The following RYR1 variants were observed in gnomAD, a reference collection of about 807,000 sequenced individuals.
RYR1 encodes central core disease of muscle.
A neutral mutation model predicts 583.5 loss-of-function variants in RYR1; 342 were observed. That is an observed-to-expected ratio of 0.59 (90% CI 0.54 to 0.64). The LOEUF (loss-of-function observed/expected upper bound fraction) is 0.64. Among genes scored for constraint, RYR1 ranks in the 30% least tolerant of loss-of-function variants. The pLI, the probability that RYR1 is intolerant of heterozygous loss-of-function variation, is 0.00. For missense variants in RYR1, 6,032 were observed against 6,917.2 expected (o/e 0.87, Z 4.54); for synonymous variants, 2,791 against 2,822.5 (o/e 0.99, Z 0.35).
intron 42 of RYR1, among the ~76,000 whole-genome samples, chr19:38,498,219 C>T (rs1025066514): frequency 2.0e-5 from 3 of 152,124 alleles, no homozygotes; most frequent in Non-Finnish European, 2.9e-5. Context: ...GGCATCTCAT[C>T]GGTCACAACA....
At position 38,486,633 on chromosome 19, in the gene RYR1, G is replaced by A. The variant is rs531177835; in HGVS notation, c.5547+431G>A. Among the ~76,000 whole-genome samples, 5 of 152,156 alleles carry A rather than the reference G, an allele frequency of 3.3e-5. No individual in the cohort carries two copies. In the East Asian group the frequency reaches 5.8e-4, roughly 18 times the overall value. On this transcript the variant is annotated intron_variant, in intron 34 of 105. Coordinates refer to ENST00000359596, the MANE Select transcript of RYR1 (RefSeq NM_000540.3). Reference sequence around the variant, plus strand: ...TGGGATTACAGGCGTGAGCCACCGCGTCCGGCCTCCATCCACCTTTCTATG... The same window carrying A: ...TGGGATTACAGGCGTGAGCCACCGCATCCGGCCTCCATCCACCTTTCTATG...
chr19:38,501,277 A>G (rs1331718337), intron 47 of RYR1, among the ~76,000 whole-genome samples: 1 of 151,964 alleles, frequency 6.6e-6, no homozygotes, highest in African/African-American at 2.4e-5. Context: ...AGGCGAGCGG[A>G]TCACAAGGTC....
At chr19:38,460,657 G>A in intron 20 of RYR1, 66 bp downstream of exon 20, 1 of 1,452,408 alleles carries the variant, frequency 6.9e-7, no homozygotes, top group Non-Finnish European at 9.5e-7. Flanking sequence ...GAGGGGGCAG[G>A]GTGCCATCGT....
chr19:38,502,968 A>C lies in RYR1; in HGVS notation c.7924A>C (p.Lys2642Gln). The change falls in exon 49 of 106, where the codon AAG becomes CAG. Residue 2642 changes from lysine (K) to glutamine (Q), a missense_variant and splice_region_variant. Lys to Gln is a moderately conservative substitution (Grantham distance 53). Transcript: ENST00000359596. ...ILNEFAKMPL[K>Q]LLTNHYERCW... ...CAACGAGTTCGCCAAGATGCCACTC[A>C]AGGTGAGGGCAAGCGCTCTTTAGCA... is the stretch of plus-strand genomic sequence containing the variant. The C allele has an allele frequency of 6.2e-7, 1 of 1,608,654 alleles. No individual in the cohort carries two copies. Among genetic ancestry groups the C allele is most frequent in the Admixed American group, 1.7e-5 (1 of 59,998 alleles).
intron 87 of RYR1, among the ~76,000 whole-genome samples, chr19:38,545,759 C>A (rs1480799170): frequency 6.6e-6 from 1 of 152,088 alleles, no homozygotes. Flanking sequence ...TGCAGTGAGC[C>A]GAGATTGCGC....
intron 13 of RYR1, among the ~76,000 whole-genome samples, chr19:38,454,301 A>G (rs192249137): frequency 2.0e-4 from 30 of 152,310 alleles, no homozygotes; most frequent in African/African-American, 7.2e-4. Context: ...CCACCTCCCA[A>G]AGAGCTGGGA....
chr19:38,486,543 A>G (rs1230828065), intron 34 of RYR1, among the ~76,000 whole-genome samples: 1 of 152,100 alleles, frequency 6.6e-6, no homozygotes, highest in East Asian at 1.9e-4. Flanking sequence ...TGCTTTCACC[A>G]TGTTGGCCAG....
At position 38,496,556 on chromosome 19, in the gene RYR1, G is replaced by A. The variant is rs767716014; in HGVS notation, c.6796+15G>A. ...CATCGGCCTGGGTGAGAACCCCCGAGCCCAGGGGCTGTCCCCCAGAACCCA... is the reference window on the plus strand; with the variant it reads ...CATCGGCCTGGGTGAGAACCCCCGAACCCAGGGGCTGTCCCCCAGAACCCA... On this transcript the variant is annotated intron_variant, in intron 41 of 105. Transcript: ENST00000359596. The surrounding 1 kb of genome is among the most constrained non-coding windows in gnomAD (Gnocchi z 4.8). 3 of 1,613,030 alleles carry A rather than the reference G, an allele frequency of 1.9e-6. No individual in the cohort carries two copies. Among genetic ancestry groups the A allele is most frequent in the Non-Finnish European group, 2.5e-6 (3 of 1,180,016 alleles).
chr19:38,556,516 A>C (rs1972885980), intron 89 of RYR1, among the ~76,000 whole-genome samples: 1 of 151,904 alleles, frequency 6.6e-6, no homozygotes, highest in Admixed American at 6.6e-5. Context: ...ACTACACATA[A>C]TCTAGTACAC....
intron 58 of RYR1, among the ~76,000 whole-genome samples, 188 bp from the exon 59 acceptor site, chr19:38,510,310 A>T (rs916586483): frequency 6.6e-6 from 1 of 152,132 alleles, no homozygotes; most frequent in Admixed American, 6.6e-5. Context: ...GACAAGAAAA[A>T]AAAAAGGAGT....
At chr19:38,464,069 C>G (rs1176102811) in intron 22 of RYR1, among the ~76,000 whole-genome samples, 1 of 151,636 alleles carries the variant, frequency 6.6e-6, no homozygotes, top group Non-Finnish European at 1.5e-5. Flanking sequence ...TTGAGGTCAG[C>G]AGTTCGAGAC....
rs150038701 is a variant in RYR1, at chr19:38,444,594, C to T, written c.548C>T (p.Thr183Ile). 4.0e-5 allele frequency: 64 copies of T among 1,613,810 alleles called. No individual in the cohort carries two copies. In the African/African-American group the frequency reaches 7.9e-4, roughly 20 times the overall value. ...CCTGGTGGCCCCCAGCACCTGTCGACCGCCAGTGGGGAGCTCCAGGTTGAC... is the reference window on the plus strand; with the variant it reads ...CCTGGTGGCCCCCAGCACCTGTCGATCGCCAGTGGGGAGCTCCAGGTTGAC... The part of the protein sequence containing the change: ...VSSERYLHLS[T>I]ASGELQVDAS... The change falls in exon 7 of 106, where the codon ACC (threonine) becomes ATC (isoleucine). Residue 183 changes from threonine (T) to isoleucine (I), a missense_variant. This residue lies in a region of RYR1 where 338 missense variants were observed against 441.6 expected (regional missense o/e 0.77). Transcript: ENST00000359596. This position sits in a 1 kb window ranked among gnomAD's most constrained non-coding sequence, Gnocchi z 5.1.
intron 1 of RYR1, among the ~76,000 whole-genome samples, chr19:38,439,868 G>A (rs910065105): frequency 6.6e-5 from 10 of 152,154 alleles, no homozygotes; most frequent in African/African-American, 2.4e-4. Flanking sequence ...GCATTCAGGT[G>A]CCATTAGAAA....
At position 38,525,406 on chromosome 19, in the gene RYR1, C is replaced by A; in HGVS notation, c.10530C>A (p.Ile3510=). ...GDRYSVQTSL[I]VATLKKMLPI... is the part of the protein sequence containing the mutation. ...GGTACTCTGTGCAGACGTCACTGAT[C>A]GTGGCCACACTGAAGAAGATGCTGC... The change falls in exon 71 of 106, where the codon ATC becomes ATA. Residue 3510 remains isoleucine (I), a synonymous_variant. Transcript: ENST00000359596. The A allele has an allele frequency of 6.2e-7, 1 of 1,613,976 alleles. No homozygotes were observed. The highest frequency in any genetic ancestry group is 2.2e-5 in the East Asian group (1 of 44,866).
Position 38,585,069 on chromosome 19 carries a change from G to A in RYR1, c.14773G>A (p.Val4925Ile), listed in dbSNP as rs959737076. ...CTTCGACATCACCTTCTTCTTCTTC[G>A]TCATCGTCATCCTGTTGGCCATCAT... ...VVFDITFFFF[V>I]IVILLAIIQG... Residue 4925 changes from valine (V) to isoleucine (I), a missense_variant, in exon 102 of 106, where the codon GTC becomes ATC. Coordinates refer to ENST00000359596, the MANE Select transcript of RYR1 (RefSeq NM_000540.3). 23 of 1,613,854 alleles carry A rather than the reference G, an allele frequency of 1.4e-5. No individual in the cohort carries two copies. The East Asian group carries it at 4.0e-4, about 28-fold the overall frequency.
At position 38,485,718 on chromosome 19, in the gene RYR1, T is replaced by TAGACCA; in HGVS notation, c.5066_5071dup (p.Asp1689_Gln1690dup). ...GTGGCGCACGCTCTGTGCAGCCACG[T>TAGACCA]AGACCAAGCTCAGCTGCTGCACGCC... On this transcript the variant is annotated inframe_insertion, in exon 34 of 106. Coordinates refer to ENST00000359596, the MANE Select transcript of RYR1 (RefSeq NM_000540.3). 1.2e-6 allele frequency: 2 copies of TAGACCA among 1,612,370 alleles called. No individual in the cohort carries two copies. The highest frequency in any genetic ancestry group is 1.7e-6 in the Non-Finnish European group (2 of 1,179,912).
At chr19:38,458,663 C>G (rs970666088) in intron 18 of RYR1, among the ~76,000 whole-genome samples, 2 of 152,108 alleles carry the variant, frequency 1.3e-5, no homozygotes, top group Non-Finnish European at 2.9e-5. Flanking sequence ...CTCACTCTGT[C>G]TCCTAGGCTG....
In RYR1 at chr19:38,444,226, A is replaced by G. The variant is rs201432446; in HGVS notation, c.502A>G (p.Ile168Val). 3.7e-6 allele frequency: 6 copies of G among 1,614,020 alleles called. No individual in the cohort carries two copies. The highest frequency in any genetic ancestry group is 5.1e-6 in the Non-Finnish European group (6 of 1,179,956). The change falls in exon 6 of 106, where the codon ATC (isoleucine) becomes GTC (valine). Residue 168 changes from isoleucine (I) to valine (V), a missense_variant. Transcript: ENST00000359596. This position sits in a 1 kb window ranked among gnomAD's most constrained non-coding sequence, Gnocchi z 5.1. ...AGAAAAGGTCCGCGTTGGGGATGAC[A>G]TCATCCTTGTCAGTGTCTCCTCCGA... ...EGEKVRVGDD[I>V]ILVSVSSERY...
intron 87 of RYR1, among the ~76,000 whole-genome samples, chr19:38,545,751 CA>C (rs200332975): frequency 0.023 from 3,458 of 152,262 alleles, 92 homozygotes; most frequent in Admixed American, 0.073. Flanking sequence ...GCAGAAGTTG[CA>C]GTGAGCCGAG....
Sources: allele counts gnomAD v4.1 joint callset (sites outside exome capture counted in the v4.1 genomes callset), GRCh38; gene constraint gnomAD v4.1.1; regional missense constraint gnomAD v4.1.1; non-coding constraint Gnocchi (gnomAD v3.1); transcripts MANE v1.5; gene names NCBI Gene and HGNC (gene_info 2026-07-23, HGNC 2026-07-21).